The following RHEB variants were observed in gnomAD, a reference collection of about 807,000 sequenced individuals.
RHEB encodes the protein GTP-binding protein Rheb.
Under a neutral mutation model 28.8 loss-of-function variants are expected in RHEB, and 2 were observed. That is an observed-to-expected ratio of 0.07 (90% CI 0.03 to 0.22). The LOEUF (loss-of-function observed/expected upper bound fraction) is 0.22. RHEB is among the 10% of genes least tolerant of loss of function. The pLI is 1.00. For synonymous variants in RHEB, 69 were observed against 77.3 expected, an observed-to-expected ratio of 0.89 and a Z score of 0.56; for missense variants, 76 against 219.9, an observed-to-expected ratio of 0.35 and a Z score of 4.14.
intron 1 of RHEB, chr7:151,502,648 G>GCA: frequency 1.9e-6 from 3 of 1,604,030 alleles, no homozygotes; most frequent in Non-Finnish European, 2.6e-6. Flanking sequence ...TGGTAGTGGT[G>GCA]CACTTTTTGG....
At position 151,501,933 on chromosome 7, in the gene RHEB, A is replaced by G. The variant is rs186833617; in HGVS notation, c.53-10919T>C. The G allele has an allele frequency of 1.2e-5, 9 of 720,930 alleles. No homozygotes were observed. The East Asian group carries it at 2.8e-4, about 22-fold the overall frequency. The allele number at this position is 720,930 out of a possible 1,614,324, so 44.7% of individuals were successfully genotyped here. On this transcript the variant is annotated intron_variant, in intron 1 of 7. Transcript: ENST00000262187. The stretch of plus-strand genomic sequence containing the variant: ...AACGTGGAGTTCTGGAAGATCAAGA[A>G]GCTCATTAAGAGCTTGGAGGCGGGC...
chr7:151,490,194 C>A (rs950114473), intron 2 of RHEB, among the ~76,000 whole-genome samples: 2 of 152,184 alleles, frequency 1.3e-5, no homozygotes, highest in African/African-American at 4.8e-5. Flanking sequence ...TTCCAGCCAC[C>A]TGGGAGGCTG....
At chr7:151,510,430 G>A (rs948783371) in intron 1 of RHEB, among the ~76,000 whole-genome samples, 2 of 152,122 alleles carry the variant, frequency 1.3e-5, no homozygotes, top group African/African-American at 2.4e-5. Flanking sequence ...TGCAAAATAG[G>A]TGTAACAACT....
At chr7:151,470,924 G>A (rs750384984) in intron 6 of RHEB, among the ~76,000 whole-genome samples, 29 of 152,196 alleles carry the variant, frequency 1.9e-4, no homozygotes, top group African/African-American at 5.1e-4. Context: ...CAGTACTCCC[G>A]TATCTGTAAC....
At chr7:151,511,821 T>G (rs1802994518) in intron 1 of RHEB, among the ~76,000 whole-genome samples, 1 of 152,180 alleles carries the variant, frequency 6.6e-6, no homozygotes, top group Admixed American at 6.5e-5. Flanking sequence ...CAGCTAATTT[T>G]TGTATTTTTA....
chr7:151,485,191 GA>G (rs1212612125), intron 2 of RHEB, among the ~76,000 whole-genome samples: 1 of 152,144 alleles, frequency 6.6e-6, no homozygotes, highest in Non-Finnish European at 1.5e-5. Flanking sequence ...TAATTTATAG[GA>G]AGTCTGGCAT....
chr7:151,517,368 CG>C (rs66502505), intron 1 of RHEB, among the ~76,000 whole-genome samples: 52,291 of 130,268 alleles, frequency 0.4, 12,218 homozygotes, highest in South Asian at 0.59. Context: ...AACTCCGTCT[CG>C]GAAAAAAAAA....
At chr7:151,469,230 C>G (rs1802116817) in intron 7 of RHEB, among the ~76,000 whole-genome samples, 1 of 152,178 alleles carries the variant, frequency 6.6e-6, no homozygotes, top group African/African-American at 2.4e-5. Flanking sequence ...CCTCCATATC[C>G]CAACACAGGA....
chr7:151,480,401 A>C (rs1184502141), intron 3 of RHEB, among the ~76,000 whole-genome samples: 1 of 152,052 alleles, frequency 6.6e-6, no homozygotes, highest in Non-Finnish European at 1.5e-5. Flanking sequence ...AGGAAAAAAA[A>C]CAAAACAAAA....
Position 151,490,953 on chromosome 7 carries a change from G to A in RHEB, c.114C>T (p.Thr38=), listed in dbSNP as rs780769828. The A allele has an allele frequency of 6.2e-7, 1 of 1,610,326 alleles. No homozygotes were observed. Among genetic ancestry groups the A allele is most frequent in the South Asian group, 1.1e-5 (1 of 90,990 alleles). The change falls in exon 2 of 8, where the codon ACC becomes ACT. Residue 38 remains threonine (T), a synonymous_variant. Transcript: ENST00000262187. ...EGQFVDSYDP[T]IENTFTKLIT... The stretch of plus-strand genomic sequence containing the variant: ...GAAAACAATACTTACTGTTTTCTAT[G>A]GTTGGATCGTAGGAGTCCACAAATT...
At chr7:151,500,495 C>A (rs755523725) in intron 1 of RHEB, among the ~76,000 whole-genome samples, 1 of 152,092 alleles carries the variant, frequency 6.6e-6, no homozygotes, top group African/African-American at 2.4e-5. Context: ...TGATTTTCAA[C>A]AAAGAACGGT....
chr7:151,471,304 G>C, intron 6 of RHEB, 90 bp downstream of exon 6: 2 of 913,378 alleles, frequency 2.2e-6, no homozygotes, highest in Non-Finnish European at 3.5e-6. Context: ...AAATGCTACA[G>C]CTAAAAATAT....
intron 1 of RHEB, among the ~76,000 whole-genome samples, chr7:151,511,932 AG>A (rs1410268194): frequency 6.6e-6 from 1 of 152,232 alleles, no homozygotes; most frequent in African/African-American, 2.4e-5. Flanking sequence ...ATTATAGGCG[AG>A]AGCCACTGCG....
rs576835152 is a variant in RHEB, at chr7:151,478,602, G to A, written c.193-1187C>T. On this transcript the variant is annotated intron_variant, in intron 3 of 7. Transcript: ENST00000262187. ...TGAGTAAAAAACTACCAGTTAGAAG[G>A]TATAATGGAGGAAAGAGCCCCCAGC... 1.3e-4 allele frequency among the ~76,000 whole-genome samples: 20 copies of A among 152,048 alleles called. No individual in the cohort carries two copies. In the South Asian group the frequency reaches 3.1e-3, roughly 24 times the overall value.
chr7:151,509,393 A>C (rs1802945065), intron 1 of RHEB, among the ~76,000 whole-genome samples: 4 of 150,282 alleles, frequency 2.7e-5, no homozygotes, highest in African/African-American at 7.3e-5. Context: ...GTGCATAAAT[A>C]AATCTGGTCC....
chr7:151,486,495 C>T (rs1802476362), intron 2 of RHEB, among the ~76,000 whole-genome samples: 2 of 152,166 alleles, frequency 1.3e-5, no homozygotes, highest in Admixed American at 1.3e-4. Flanking sequence ...GGGAGTGGAA[C>T]ACCCAGGCAG....
At chr7:151,494,524 T>C (rs1335074071) in intron 1 of RHEB, among the ~76,000 whole-genome samples, 1 of 152,278 alleles carries the variant, frequency 6.6e-6, no homozygotes, top group Admixed American at 6.5e-5. Flanking sequence ...AACATTTCAC[T>C]TGAAAACATA....
chr7:151,495,467 G>A (rs1218857491), intron 1 of RHEB, among the ~76,000 whole-genome samples: 1 of 152,124 alleles, frequency 6.6e-6, no homozygotes, highest in Non-Finnish European at 1.5e-5. Context: ...GAACAGCATT[G>A]TATTATTTTT....
chr7:151,475,076 A>G (rs1802248830), intron 4 of RHEB, among the ~76,000 whole-genome samples: 1 of 152,246 alleles, frequency 6.6e-6, no homozygotes, highest in South Asian at 2.1e-4. Context: ...AGTGCCACTG[A>G]GAAGACACAG....
Sources: gnomAD v4.1 joint callset for allele counts (sites outside exome capture counted in the v4.1 genomes callset) on GRCh38, gnomAD v4.1.1 for gene constraint, MANE v1.5 for transcripts, NCBI Gene and HGNC (gene_info 2026-07-23, HGNC 2026-07-21) for gene names.